The following ZNF469 variants were observed in gnomAD, a reference collection of about 807,000 sequenced individuals.
ZNF469 encodes the protein zinc finger protein 469.
In ZNF469, 1 loss-of-function variant was observed where a neutral mutation model predicts 1.0. The ratio of observed to expected loss-of-function variants is 1.00; its 90% CI spans 0.35 to 4.73. The LOEUF (loss-of-function observed/expected upper bound fraction) is 4.73, where lower values mean the gene tolerates loss of function less well. Ranked by LOEUF, ZNF469 falls within the 30% of genes most tolerant of loss-of-function variation. ZNF469 has a pLI of 0.16. For missense variants in ZNF469, 6,100 were observed against 5,356.3 expected (o/e 1.14, Z -4.33); for synonymous variants, 2,703 against 2,363.4 (o/e 1.14, Z -4.17).
chr16:88,132,823 C>T, the ZNF469 span, among the ~76,000 whole-genome samples: 1 of 152,174 alleles, frequency 6.6e-6, no homozygotes, highest in Non-Finnish European at 1.5e-5. Flanking sequence ...GAGGCCTCCG[C>T]ACAGCATCAG....
At chr16:88,151,949 T>C in the ZNF469 span, among the ~76,000 whole-genome samples, 1 of 152,322 alleles carries the variant, frequency 6.6e-6, no homozygotes, top group East Asian at 1.9e-4. The surrounding 1 kb of genome is among the most constrained non-coding windows in gnomAD (Gnocchi z 5.4). Context: ...AATACTTGTG[T>C]AAAAGATGTT....
chr16:88,113,010 C>T, the ZNF469 span, among the ~76,000 whole-genome samples: 1 of 152,016 alleles, frequency 6.6e-6, no homozygotes, highest in African/African-American at 2.4e-5. Context: ...GATCTCCTGA[C>T]CTCGTGATCC....
At chr16:88,286,691 A>C in the ZNF469 span, among the ~76,000 whole-genome samples, 1 of 152,228 alleles carries the variant, frequency 6.6e-6, no homozygotes, top group Non-Finnish European at 1.5e-5. Context: ...GCTCCCAATG[A>C]CTGACAGGTG....
chr16:88,426,541 C>T (rs775177558), intron 2 of ZNF469, among the ~76,000 whole-genome samples: 2 of 152,274 alleles, frequency 1.3e-5, no homozygotes, highest in African/African-American at 2.4e-5. Flanking sequence ...TCTGGGCAAG[C>T]GGCTCCTGCT....
chr16:88,105,350 G>A, the ZNF469 span, among the ~76,000 whole-genome samples: 1 of 148,104 alleles, frequency 6.8e-6, no homozygotes, highest in East Asian at 2.0e-4. Flanking sequence ...TGTTGCCCAG[G>A]CTGGAGTGTA....
At chr16:88,332,771 GCT>G in the ZNF469 span, among the ~76,000 whole-genome samples, 1 of 152,194 alleles carries the variant, frequency 6.6e-6, no homozygotes, top group Non-Finnish European at 1.5e-5. Flanking sequence ...GCTCAGGCCG[GCT>G]CTCACAGCCT....
chr16:88,431,736 C>A lies in ZNF469; in HGVS notation c.4266C>A (p.Ala1422=). Residue 1422 remains alanine (A), a synonymous_variant, in exon 3 of 3, where the codon GCC becomes GCA. Coordinates refer to ENST00000565624, the MANE Select transcript of ZNF469 (RefSeq NM_001367624.2). ...GCCTTTGCCAGGACGGCGAGGATGC[C>A]GGTTCCCTCGAGCCACAGCTGCCAA... The part of the protein sequence containing the change: ...SSCLCQDGED[A]GSLEPQLPRS... 3 of 1,550,106 alleles carry A rather than the reference C, an allele frequency of 1.9e-6. No individual in the cohort carries two copies.
chr16:88,276,963 G>A, the ZNF469 span, among the ~76,000 whole-genome samples: 1 of 152,124 alleles, frequency 6.6e-6, no homozygotes, highest in Non-Finnish European at 1.5e-5. Context: ...GGTTAGTGCT[G>A]CGCCACGCCA....
chr16:88,267,990 G>T, the ZNF469 span, among the ~76,000 whole-genome samples: 6 of 151,764 alleles, frequency 4.0e-5, no homozygotes, highest in East Asian at 5.9e-4. Flanking sequence ...ATTCTTACCG[G>T]CTCCTGCCAT....
the ZNF469 span, among the ~76,000 whole-genome samples, chr16:88,372,101 TCA>T: frequency 0.5 from 48,781 of 98,226 alleles, 12,293 homozygotes; most frequent in Non-Finnish European, 0.57. Flanking sequence ...ATCACCACCA[TCA>T]TCACCATCAC....
the ZNF469 span, among the ~76,000 whole-genome samples, chr16:88,236,981 A>G: frequency 6.6e-6 from 1 of 152,010 alleles, no homozygotes; most frequent in Non-Finnish European, 1.5e-5. Flanking sequence ...GGTTTCAGAA[A>G]ATAGAGCAGA....
At chr16:88,257,374 G>A in the ZNF469 span, among the ~76,000 whole-genome samples, 3 of 151,878 alleles carry the variant, frequency 2.0e-5, no homozygotes, top group African/African-American at 7.3e-5. Context: ...TCAAATTATT[G>A]AGTTTTAGGA....
At chr16:88,264,872 C>T in the ZNF469 span, among the ~76,000 whole-genome samples, 22 of 152,310 alleles carry the variant, frequency 1.4e-4, no homozygotes, top group African/African-American at 5.3e-4. Context: ...GCGCTGCTTT[C>T]CAGTGGGTCT....
intron 1 of ZNF469, among the ~76,000 whole-genome samples, chr16:88,408,924 G>A (rs1031184661): frequency 1.3e-5 from 2 of 152,276 alleles, no homozygotes; most frequent in African/African-American, 4.8e-5. Flanking sequence ...TAGGGAAGCG[G>A]GGAGGGAGGG....
At position 88,430,967 on chromosome 16, in the gene ZNF469, G is replaced by A; in HGVS notation, c.3497G>A (p.Gly1166Asp). 1 of 1,537,416 alleles carries A rather than the reference G, an allele frequency of 6.5e-7. No individual in the cohort carries two copies. Among genetic ancestry groups the A allele is most frequent in the Non-Finnish European group, 8.7e-7 (1 of 1,145,430 alleles). The part of the protein sequence containing the change: ...EEPGGSRPGP[G>D]RSPQARGPSR... Reference sequence around the variant, plus strand: ...CCGGGCGGGTCTCGCCCGGGCCCCGGCAGGAGCCCTCAGGCCCGTGGCCCG... The same window carrying A: ...CCGGGCGGGTCTCGCCCGGGCCCCGACAGGAGCCCTCAGGCCCGTGGCCCG... The change falls in exon 3 of 3, where the codon GGC becomes GAC. Residue 1166 changes from glycine (G) to aspartate (D), a missense_variant. Gly to Asp is a moderately conservative substitution (Grantham distance 94, BLOSUM62 -1). Coordinates refer to ENST00000565624, the MANE Select transcript of ZNF469 (RefSeq NM_001367624.2).
At chr16:88,295,899 G>A in the ZNF469 span, among the ~76,000 whole-genome samples, 4 of 152,106 alleles carry the variant, frequency 2.6e-5, no homozygotes, top group Admixed American at 6.5e-5. Flanking sequence ...GCGTTCTGTC[G>A]CCCCAGAAAT....
the ZNF469 span, among the ~76,000 whole-genome samples, chr16:88,227,194 A>C: frequency 6.6e-6 from 1 of 152,288 alleles, no homozygotes; most frequent in African/African-American, 2.4e-5. Flanking sequence ...TCTGTGTTTG[A>C]AAGCCCCTTG....
At chr16:88,271,935 G>A in the ZNF469 span, among the ~76,000 whole-genome samples, 2 of 152,132 alleles carry the variant, frequency 1.3e-5, no homozygotes, top group Admixed American at 6.5e-5. Flanking sequence ...GTAGATGAGT[G>A]GGTGGATGGA....
At chr16:88,352,694 G>A in the ZNF469 span, among the ~76,000 whole-genome samples, 23 of 152,244 alleles carry the variant, frequency 1.5e-4, no homozygotes, top group Non-Finnish European at 2.5e-4. Context: ...GGTAGCAGCC[G>A]TGGGGACGTG....
Sources: allele counts gnomAD v4.1 joint callset (sites outside exome capture counted in the v4.1 genomes callset), GRCh38; gene constraint gnomAD v4.1.1; non-coding constraint Gnocchi (gnomAD v3.1); transcripts MANE v1.5; gene names NCBI Gene and HGNC (gene_info 2026-07-23, HGNC 2026-07-21).